Variants in VPS13A observed in about 807,000 individuals in gnomAD.
The protein encoded by VPS13A is vacuolar protein sorting 13 homolog A, also known as intermembrane lipid transfer protein VPS13A.
In VPS13A, 264 loss-of-function variants were observed where a neutral mutation model predicts 390.9. The observed-to-expected ratio is 0.68, with a 90% CI of 0.61 to 0.75. The LOEUF is 0.75. VPS13A is among the 30% of genes least tolerant of loss of function. The pLI is 0.00. For synonymous variants in VPS13A, 1,231 were observed against 1,227.1 expected (o/e 1.00, Z -0.07); for missense variants, 3,409 against 3,733.9 (o/e 0.91, Z 2.27).
chr9:77,233,555 G>C (rs1823962921), intron 17 of VPS13A, among the ~76,000 whole-genome samples: 1 of 151,890 alleles, frequency 6.6e-6, no homozygotes. Context: ...AAATTTCCCT[G>C]TGAGAACTGC....
chr9:77,358,283 TC>T, intron 56 of VPS13A, 73 bp from the exon 57 acceptor site: 1 of 1,307,984 alleles, frequency 7.6e-7, no homozygotes, highest in South Asian at 1.2e-5. Context: ...TTCTTTTTGT[TC>T]CTCAAATCCT....
intron 53 of VPS13A, among the ~76,000 whole-genome samples, chr9:77,351,803 C>T (rs538517764): frequency 2.6e-5 from 4 of 151,966 alleles, no homozygotes; most frequent in African/African-American, 9.7e-5. Flanking sequence ...CGGGAGGCAG[C>T]GATTGCAGTG....
intron 68 of VPS13A, among the ~76,000 whole-genome samples, chr9:77,388,517 C>T (rs1833781771): frequency 1.3e-5 from 2 of 151,734 alleles, no homozygotes; most frequent in Admixed American, 1.3e-4. Flanking sequence ...CAGTCTACCT[C>T]CAAATATCAA....
chr9:77,324,113 T>A (rs1829883821), intron 45 of VPS13A, among the ~76,000 whole-genome samples: 1 of 152,232 alleles, frequency 6.6e-6, no homozygotes, highest in African/African-American at 2.4e-5. Flanking sequence ...AAATTCTGAT[T>A]ACTCATTGAT....
rs1823578716 is a variant in VPS13A at position 77,227,431 on chromosome 9, CTA to C, written c.1400_1401del (p.Tyr467Ter). 2 of 1,613,498 alleles carry C rather than the reference CTA, an allele frequency of 1.2e-6. No individual in the cohort carries two copies. Among genetic ancestry groups the C allele is most frequent in the Admixed American group, 3.3e-5 (2 of 59,958 alleles). On this transcript the variant is annotated frameshift_variant, in exon 16 of 72. Coordinates refer to ENST00000360280, the MANE Select transcript of VPS13A (RefSeq NM_033305.3). LOFTEE classifies it high-confidence loss of function. ...MLTPEEKALL[Y>X]EAIGYSETAV... ...TGACACCTGAAGAAAAAGCTTTACT[CTA>C]TGAAGCAATTGGCTATAGTGAAACA...
chr9:77,398,478 G>A (rs1834210761), intron 68 of VPS13A, among the ~76,000 whole-genome samples: 1 of 152,206 alleles, frequency 6.6e-6, no homozygotes, highest in Non-Finnish European at 1.5e-5. Flanking sequence ...AAAAGGAAGA[G>A]ATTGGTTTGG....
chr9:77,316,030 T>C, intron 38 of VPS13A, 144 bp from the exon 39 acceptor site: 1 of 341,544 alleles, frequency 2.9e-6, no homozygotes, highest in Non-Finnish European at 4.6e-6. Flanking sequence ...TTCAAGTCTT[T>C]ACTAAGGGTT....
rs779066797 is a variant in VPS13A at position 77,283,964 on chromosome 9, C to CT, written c.3339+331dup. 8.3e-3 allele frequency among the ~76,000 whole-genome samples: 1,076 copies of CT among 129,590 alleles called. 8 individuals carry two copies. Among genetic ancestry groups the CT allele is most frequent in the African/African-American group, 0.021 (734 of 34,870 alleles). 85.0% of individuals were successfully genotyped at this position (129,590 alleles called of 152,430 possible). On this transcript the variant is annotated intron_variant, in intron 31 of 71. Coordinates refer to ENST00000360280, the MANE Select transcript of VPS13A (RefSeq NM_033305.3). ...GAGAACCTAGTAAATACCTTTTTCACTTTTTTTTTTTTTTTTTGGTTCATG... is the reference window on the plus strand; with the variant it reads ...GAGAACCTAGTAAATACCTTTTTCACTTTTTTTTTTTTTTTTTTGGTTCATG...
chr9:77,333,260 C>A (rs1437987198), intron 46 of VPS13A, among the ~76,000 whole-genome samples: 1 of 151,904 alleles, frequency 6.6e-6, no homozygotes, highest in African/African-American at 2.4e-5. Flanking sequence ...AAAACAGTAC[C>A]TTTATACTTT....
chr9:77,260,337 C>T, intron 23 of VPS13A, 113 bp downstream of exon 23: 1 of 560,772 alleles, frequency 1.8e-6, no homozygotes, highest in Admixed American at 3.3e-5. Context: ...TTTGAATAGA[C>T]ATTAAGAAAA....
chr9:77,325,365 C>T (rs1003310796), intron 45 of VPS13A, among the ~76,000 whole-genome samples: 8 of 150,810 alleles, frequency 5.3e-5, no homozygotes, highest in Non-Finnish European at 1.2e-4. Context: ...GTATATTTAA[C>T]GTGGGGTTTC....
At chr9:77,282,372 C>T (rs1379491084) in intron 29 of VPS13A, 98 bp downstream of exon 29, 1 of 1,143,774 alleles carries the variant, frequency 8.7e-7, no homozygotes, top group Non-Finnish European at 1.2e-6. Context: ...CAAATATTGG[C>T]TTCAGAATTC....
intron 1 of VPS13A, among the ~76,000 whole-genome samples, chr9:77,179,111 T>G (rs554265688): frequency 6.6e-6 from 1 of 152,318 alleles, no homozygotes; most frequent in East Asian, 1.9e-4. Flanking sequence ...TTGTCTCCCA[T>G]GTACCTCAGA....
At chr9:77,267,791 C>T (rs947688495) in intron 23 of VPS13A, among the ~76,000 whole-genome samples, 2 of 152,200 alleles carry the variant, frequency 1.3e-5, no homozygotes, top group Admixed American at 6.5e-5. Flanking sequence ...CCAGGTGCTC[C>T]GTCCCAGGGA....
At chr9:77,217,247 T>G (rs1299906554) in intron 10 of VPS13A, among the ~76,000 whole-genome samples, 1 of 152,192 alleles carries the variant, frequency 6.6e-6, no homozygotes, top group African/African-American at 2.4e-5. Flanking sequence ...TGCAGATTTC[T>G]AGGGCCTTTC....
intron 31 of VPS13A, among the ~76,000 whole-genome samples, chr9:77,289,957 T>A (rs1827552453): frequency 6.6e-6 from 1 of 152,028 alleles, no homozygotes; most frequent in African/African-American, 2.4e-5. Flanking sequence ...ATTTTTGTAT[T>A]TTTAGTAGAG....
chr9:77,298,767 G>A (rs552257284), intron 33 of VPS13A, among the ~76,000 whole-genome samples: 1 of 152,238 alleles, frequency 6.6e-6, no homozygotes, highest in South Asian at 2.1e-4. Context: ...GGGACCTGGT[G>A]GGAGATAATT....
At chr9:77,280,111 T>A in intron 26 of VPS13A, 48 bp from the exon 27 acceptor site, 1 of 1,405,652 alleles carries the variant, frequency 7.1e-7, no homozygotes, top group Non-Finnish European at 9.9e-7. Flanking sequence ...GCATTTATTT[T>A]CAGTTACCTT....
chr9:77,367,030 G>A (rs1383250542), intron 61 of VPS13A, among the ~76,000 whole-genome samples, 158 bp downstream of exon 61: 1 of 152,130 alleles, frequency 6.6e-6, no homozygotes, highest in East Asian at 1.9e-4. Flanking sequence ...TAACACCAAC[G>A]TATGATTTGC....
Sources: allele counts gnomAD v4.1 joint callset (sites outside exome capture counted in the v4.1 genomes callset), GRCh38; gene constraint gnomAD v4.1.1; transcripts MANE v1.5; gene names NCBI Gene and HGNC (gene_info 2026-07-23, HGNC 2026-07-21).